RGS7BP: variants seen among roughly 807,000 people sequenced by gnomAD.
RGS7BP encodes the protein regulator of G protein signaling 7-binding protein.
In RGS7BP, 9 loss-of-function variants were observed where a neutral mutation model predicts 31.3. The observed-to-expected ratio is 0.29, with a 90% CI of 0.17 to 0.50. The LOEUF is 0.50. RGS7BP is among the 20% of genes least tolerant of loss of function. The pLI is 0.98. For missense variants in RGS7BP, 274 were observed against 322.0 expected (o/e 0.85, Z 1.14); for synonymous variants, 115 against 120.1 (o/e 0.96, Z 0.28).
chr5:64,593,688 T>C (rs931474114), intron 3 of RGS7BP, among the ~76,000 whole-genome samples: 4 of 152,184 alleles, frequency 2.6e-5, no homozygotes, highest in African/African-American at 9.7e-5. Flanking sequence ...GTAAGCTCCA[T>C]GAGACAGAGA....
chr5:64,598,964 T>C (rs773646744), intron 5 of RGS7BP, among the ~76,000 whole-genome samples: 2 of 152,188 alleles, frequency 1.3e-5, no homozygotes, highest in Non-Finnish European at 2.9e-5. Context: ...ACACAGACTG[T>C]AAGTAGAAAA....
intron 3 of RGS7BP, among the ~76,000 whole-genome samples, chr5:64,577,531 G>A (rs1431845433): frequency 6.6e-6 from 1 of 152,162 alleles, no homozygotes; most frequent in African/African-American, 2.4e-5. Flanking sequence ...AGAGACAGGA[G>A]AACATTTTTC....
At chr5:64,577,535 A>G (rs1742469332) in intron 3 of RGS7BP, among the ~76,000 whole-genome samples, 1 of 152,140 alleles carries the variant, frequency 6.6e-6, no homozygotes, top group African/African-American at 2.4e-5. Flanking sequence ...ACAGGAGAAC[A>G]TTTTTCCCAG....
chr5:64,598,523 T>C, intron 5 of RGS7BP, 88 bp downstream of exon 5: 1 of 842,522 alleles, frequency 1.2e-6, no homozygotes, highest in Non-Finnish European at 2.1e-6. Flanking sequence ...AGCATGTGTC[T>C]CACACAAACA....
At chr5:64,582,662 A>G (rs1561343120) in intron 3 of RGS7BP, among the ~76,000 whole-genome samples, 1 of 152,250 alleles carries the variant, frequency 6.6e-6, no homozygotes, top group Non-Finnish European at 1.5e-5. Flanking sequence ...GGGAAAGAAT[A>G]GAGAAATGTT....
chr5:64,573,570 T>G (rs1168501612), intron 2 of RGS7BP: 4 of 151,706 alleles, frequency 2.6e-5, no homozygotes. Context: ...TGCATATGAG[T>G]GTTCAGCATC....
intron 4 of RGS7BP, among the ~76,000 whole-genome samples, chr5:64,597,498 A>G (rs562293609): frequency 1.3e-5 from 2 of 151,368 alleles, no homozygotes; most frequent in African/African-American, 4.8e-5. Flanking sequence ...AGAATTTGTT[A>G]CTCTTTCATT....
intron 2 of RGS7BP, among the ~76,000 whole-genome samples, chr5:64,518,045 T>C (rs175371): frequency 0.31 from 47,703 of 151,900 alleles, 8,023 homozygotes; most frequent in Admixed American, 0.39. Flanking sequence ...TTTCTGGAGA[T>C]GGGGATAAAC....
intron 2 of RGS7BP, among the ~76,000 whole-genome samples, chr5:64,559,109 C>A (rs1455854813): frequency 6.6e-6 from 1 of 152,094 alleles, no homozygotes; most frequent in Non-Finnish European, 1.5e-5. Context: ...ATCTCTGTGA[C>A]CCATACCCTA....
intron 2 of RGS7BP, among the ~76,000 whole-genome samples, chr5:64,568,674 A>G (rs4700061): frequency 0.49 from 74,869 of 151,740 alleles, 18,790 homozygotes; most frequent in Non-Finnish European, 0.52. Flanking sequence ...CCAGTATTGC[A>G]TTAAACAGTT....
intron 2 of RGS7BP, chr5:64,539,491 G>A (rs755877561): frequency 5.3e-5 from 8 of 152,124 alleles, no homozygotes; most frequent in East Asian, 1.9e-4. Context: ...TCTTTTAGAC[G>A]TTTTATAGTT....
At chr5:64,531,218 C>T (rs1283593657) in intron 2 of RGS7BP, among the ~76,000 whole-genome samples, 1 of 152,184 alleles carries the variant, frequency 6.6e-6, no homozygotes, top group African/African-American at 2.4e-5. Context: ...TGTAAGACAA[C>T]TAAAAAAATG....
intron 2 of RGS7BP, among the ~76,000 whole-genome samples, chr5:64,509,127 G>T (rs963128220): frequency 2.0e-5 from 3 of 152,130 alleles, no homozygotes; most frequent in Admixed American, 6.5e-5. Context: ...TCCGGGAAAT[G>T]GAGGGGAATT....
intron 3 of RGS7BP, among the ~76,000 whole-genome samples, chr5:64,583,871 T>C (rs986809703): frequency 1.3e-5 from 2 of 152,266 alleles, no homozygotes; most frequent in African/African-American, 4.8e-5. Flanking sequence ...CTTTAGTCAA[T>C]GTAGATGTTG....
intron 2 of RGS7BP, among the ~76,000 whole-genome samples, chr5:64,546,730 C>A (rs1580418182): frequency 1.3e-5 from 2 of 151,972 alleles, no homozygotes; most frequent in South Asian, 4.1e-4. Context: ...AACTTTCATG[C>A]AGTTAAAATC....
chr5:64,542,859 C>T (rs1477826426), intron 2 of RGS7BP, among the ~76,000 whole-genome samples: 1 of 152,206 alleles, frequency 6.6e-6, no homozygotes, highest in African/African-American at 2.4e-5. Context: ...TGATGCTTGT[C>T]TCTTTTATAT....
intron 3 of RGS7BP, among the ~76,000 whole-genome samples, chr5:64,579,576 A>G (rs2111911512): frequency 6.6e-6 from 1 of 151,206 alleles, no homozygotes; most frequent in South Asian, 2.1e-4. Context: ...AAAGGAAAGA[A>G]AAGAAAAGAA....
chr5:64,539,721 G>A (rs996584486), intron 2 of RGS7BP: 4 of 152,128 alleles, frequency 2.6e-5, no homozygotes, highest in Non-Finnish European at 5.9e-5. Context: ...GAACTCCTGC[G>A]CTGATCATTA....
At chr5:64,595,995 AATG>A (rs1412292908) in intron 4 of RGS7BP, among the ~76,000 whole-genome samples, 3 of 152,206 alleles carry the variant, frequency 2.0e-5, no homozygotes, top group Non-Finnish European at 4.4e-5. Flanking sequence ...ACTATAGACA[AATG>A]ATGAGGGAGT....
Sources: allele counts gnomAD v4.1 joint callset (sites outside exome capture counted in the v4.1 genomes callset), GRCh38; gene constraint gnomAD v4.1.1; transcripts MANE v1.5; gene names NCBI Gene and HGNC (gene_info 2026-07-23, HGNC 2026-07-21).